ELAVL2: variants seen among roughly 807,000 people sequenced by gnomAD.
The protein encoded by ELAVL2 is ELAV-like protein 2.
Under a neutral mutation model 34.6 loss-of-function variants are expected in ELAVL2, and 4 were observed. The observed-to-expected ratio is 0.12, with a 90% confidence interval of 0.06 to 0.26. The LOEUF (loss-of-function observed/expected upper bound fraction) is 0.26. ELAVL2 is among the 10% of genes least tolerant of loss of function. The pLI is 1.00. For synonymous variants in ELAVL2, 193 were observed against 154.8 expected (o/e 1.25, Z -1.83); for missense variants, 432 against 442.8 (o/e 0.98, Z 0.22).
chr9:23,751,558 G>A (rs1388333549), intron 2 of ELAVL2, among the ~76,000 whole-genome samples: 1 of 152,116 alleles, frequency 6.6e-6, no homozygotes, highest in East Asian at 1.9e-4. Flanking sequence ...ACAGGTCTCT[G>A]TATATCTAGA....
At chr9:23,802,272 G>A (rs920009738) in intron 1 of ELAVL2, among the ~76,000 whole-genome samples, 2 of 152,164 alleles carry the variant, frequency 1.3e-5, no homozygotes, top group Non-Finnish European at 2.9e-5. Flanking sequence ...AAAGGGTCAA[G>A]AGCGCTATAA....
Position 23,759,754 on chromosome 9 carries a change from T to TTATATATATATATATATATA in ELAVL2, c.229+2232_229+2251dup, listed in dbSNP as rs774471922. Among the ~76,000 whole-genome samples the TTATATATATATATATATATA allele has an allele frequency of 2.5e-3, 207 of 81,278 alleles. 1 individual carries two copies. Among genetic ancestry groups the TTATATATATATATATATATA allele is most frequent in the East Asian group, 4.9e-3 (13 of 2,636 alleles). The allele number at this position is 81,278 out of a possible 152,430, so 53.3% of individuals were successfully genotyped here. ...ATATGTGTATACATCATATATAGTA[T>TTATATATATATATATATATA]TATATATATATATATATATATATAT... On this transcript the variant is annotated intron_variant, in intron 2 of 6. Coordinates refer to ENST00000397312, the MANE Select transcript of ELAVL2 (RefSeq NM_004432.5).
intron 2 of ELAVL2, among the ~76,000 whole-genome samples, chr9:23,747,057 G>A (rs186851047): frequency 2.6e-5 from 4 of 152,100 alleles, no homozygotes; most frequent in Admixed American, 2.0e-4. Context: ...TCCACTAGCC[G>A]AGTACAGTAG....
chr9:23,738,767 T>G (rs566391731), intron 2 of ELAVL2, among the ~76,000 whole-genome samples: 1 of 152,332 alleles, frequency 6.6e-6, no homozygotes, highest in Admixed American at 6.5e-5. Flanking sequence ...AGTGATCATT[T>G]GGTAAATATT....
chr9:23,754,181 T>TA (rs2052924556), intron 2 of ELAVL2, among the ~76,000 whole-genome samples: 1 of 152,136 alleles, frequency 6.6e-6, no homozygotes. Context: ...AAATACCAAG[T>TA]AACACAAATA....
intron 3 of ELAVL2, among the ~76,000 whole-genome samples, chr9:23,706,600 G>A (rs2039406083): frequency 2.0e-5 from 3 of 152,136 alleles, no homozygotes; most frequent in African/African-American, 4.8e-5. Context: ...TACTTCAAGG[G>A]ACAGAAATTT....
At chr9:23,810,328 G>A (rs988406899) in intron 1 of ELAVL2, among the ~76,000 whole-genome samples, 1 of 151,974 alleles carries the variant, frequency 6.6e-6, no homozygotes, top group African/African-American at 2.4e-5. Flanking sequence ...ATAATCCAAG[G>A]TCAGAATCCT....
intron 6 of ELAVL2, 83 bp from the exon 7 acceptor site, chr9:23,692,967 C>A: frequency 7.8e-7 from 1 of 1,285,442 alleles, no homozygotes; most frequent in Non-Finnish European, 1.1e-6. Flanking sequence ...TATACCTTTT[C>A]CATCCCCAAG....
chr9:23,798,809 C>T (rs189641676), intron 1 of ELAVL2, among the ~76,000 whole-genome samples: 232 of 152,106 alleles, frequency 1.5e-3, no homozygotes, highest in Non-Finnish European at 3.0e-3. Context: ...AAAATGGTTC[C>T]CAGGCACACG....
intron 1 of ELAVL2, among the ~76,000 whole-genome samples, chr9:23,792,002 T>C (rs1202907437): frequency 6.6e-6 from 1 of 152,202 alleles, no homozygotes; most frequent in African/African-American, 2.4e-5. Context: ...CCAACTTACA[T>C]GGTTTGACTT....
chr9:23,776,447 A>G (rs543964548), intron 1 of ELAVL2, among the ~76,000 whole-genome samples: 1 of 152,280 alleles, frequency 6.6e-6, no homozygotes, highest in Admixed American at 6.5e-5. Flanking sequence ...CTCTCTCCCC[A>G]ACACAGCCAA....
chr9:23,757,311 C>A (rs183515817), intron 2 of ELAVL2, among the ~76,000 whole-genome samples: 1 of 152,194 alleles, frequency 6.6e-6, no homozygotes, highest in Non-Finnish European at 1.5e-5. Context: ...TTTGCTTCAT[C>A]TTTAAAGAGT....
At chr9:23,823,027 G>T (rs917454483) in intron 1 of ELAVL2, among the ~76,000 whole-genome samples, 2 of 152,104 alleles carry the variant, frequency 1.3e-5, no homozygotes, top group Non-Finnish European at 2.9e-5. Flanking sequence ...GTGAAGTAGG[G>T]GGCTCAACCA....
In ELAVL2 at chr9:23,710,064, T is replaced by C. The variant is rs555981236; in HGVS notation, c.334-4993A>G. ...CTACTACAGGTAAGTAAATGGCCCA[T>C]GGCTTCTCAAACTGTTCTTCACAAA... On this transcript the variant is annotated intron_variant, in intron 3 of 6. Transcript: ENST00000397312. Among the ~76,000 whole-genome samples, 8 of 152,274 alleles carry C rather than the reference T, an allele frequency of 5.3e-5. No individual in the cohort carries two copies. The South Asian group carries it at 8.3e-4, about 16-fold the overall frequency.
At chr9:23,712,926 A>T (rs75621865) in intron 3 of ELAVL2, among the ~76,000 whole-genome samples, 2 of 152,218 alleles carry the variant, frequency 1.3e-5, no homozygotes, top group Non-Finnish European at 2.9e-5. Flanking sequence ...TAAGAACTGT[A>T]TATCAAGCAA....
intron 1 of ELAVL2, among the ~76,000 whole-genome samples, chr9:23,806,638 A>G (rs1183800187): frequency 1.3e-5 from 2 of 152,196 alleles, no homozygotes; most frequent in Non-Finnish European, 2.9e-5. Context: ...AAAATCAGTA[A>G]TAAGACAATA....
At chr9:23,830,719 C>G (rs2065475168), upstream of ELAVL2, among the ~76,000 whole-genome samples, 1 of 151,572 alleles carries the variant, frequency 6.6e-6, no homozygotes, top group Non-Finnish European at 1.5e-5. Context: ...TTGCACATGT[C>G]CCAGAGTGTC....
intron 1 of ELAVL2, among the ~76,000 whole-genome samples, chr9:23,804,977 A>G (rs2062032439): frequency 6.6e-6 from 1 of 152,226 alleles, no homozygotes; most frequent in African/African-American, 2.4e-5. Context: ...TACATTAAAT[A>G]TGAAGACAGA....
intron 1 of ELAVL2, among the ~76,000 whole-genome samples, chr9:23,814,662 A>T (rs2063470123): frequency 6.6e-6 from 1 of 152,154 alleles, no homozygotes; most frequent in African/African-American, 2.4e-5. Context: ...AAATAGAAAT[A>T]GGCCTTACCT....
Sources: allele counts gnomAD v4.1 joint callset (sites outside exome capture counted in the v4.1 genomes callset), GRCh38; gene constraint gnomAD v4.1.1; transcripts MANE v1.5; gene names NCBI Gene and HGNC (gene_info 2026-07-23, HGNC 2026-07-21).